GALNTL6: variants seen among roughly 807,000 people sequenced by gnomAD.
GALNTL6 encodes the protein polypeptide N-acetylgalactosaminyltransferase like 6.
GALNTL6 carries 46 observed loss-of-function variants against 73.7 expected under a neutral mutation model. The observed-to-expected ratio is 0.62, with a 90% CI of 0.49 to 0.80. The LOEUF is 0.80. Ranked by LOEUF, GALNTL6 falls within the 30% of genes least tolerant of loss-of-function variation. The pLI is 0.00. For synonymous variants in GALNTL6, 259 were observed against 263.7 expected (o/e 0.98, Z 0.17); for missense variants, 604 against 755.0 (o/e 0.80, Z 2.34).
chr4:171,887,652 A>C (rs900098078), intron 2 of GALNTL6, among the ~76,000 whole-genome samples: 3 of 152,208 alleles, frequency 2.0e-5, no homozygotes, highest in African/African-American at 7.2e-5. Flanking sequence ...TTTATGCATA[A>C]TATTTTTCTA....
chr4:172,464,022 G>C (rs1345218774), intron 5 of GALNTL6, among the ~76,000 whole-genome samples: 2 of 152,108 alleles, frequency 1.3e-5, no homozygotes, highest in Non-Finnish European at 2.9e-5. Context: ...TTTCTGTCCA[G>C]GTTGAGTGAT....
intron 2 of GALNTL6, among the ~76,000 whole-genome samples, chr4:172,138,023 C>CT (rs1265775171): frequency 6.6e-6 from 1 of 152,084 alleles, no homozygotes; most frequent in Non-Finnish European, 1.5e-5. Flanking sequence ...AGATGAGCTG[C>CT]TGCGGAGTCC....
intron 2 of GALNTL6, among the ~76,000 whole-genome samples, chr4:172,015,266 T>C (rs1741150542): frequency 6.6e-6 from 1 of 152,076 alleles, no homozygotes; most frequent in Admixed American, 6.6e-5. Flanking sequence ...TTTAGGATTG[T>C]GCCATTTTTC....
intron 5 of GALNTL6, among the ~76,000 whole-genome samples, chr4:172,672,586 A>G (rs886423440): frequency 1.3e-5 from 2 of 152,186 alleles, no homozygotes; most frequent in African/African-American, 4.8e-5. Context: ...TTCAGTAGAA[A>G]TGGTATCAGC....
At chr4:172,892,609 T>C (rs1414939075) in intron 8 of GALNTL6, among the ~76,000 whole-genome samples, 1 of 92,130 alleles carries the variant, frequency 1.1e-5, no homozygotes, top group Non-Finnish European at 2.2e-5. Flanking sequence ...TTAATTCTTT[T>C]TTTTTTTTTT....
At chr4:172,801,878 C>G (rs935165965) in intron 5 of GALNTL6, among the ~76,000 whole-genome samples, 1 of 152,094 alleles carries the variant, frequency 6.6e-6, no homozygotes, top group East Asian at 1.9e-4. Flanking sequence ...CTTCTTCTTC[C>G]TTCTCCTCAG....
intron 2 of GALNTL6, among the ~76,000 whole-genome samples, chr4:171,989,452 T>C (rs1464268440): frequency 1.3e-5 from 2 of 152,190 alleles, no homozygotes; most frequent in East Asian, 1.9e-4. Flanking sequence ...TCCTGGGCTG[T>C]GGGCATTCCT....
chr4:172,869,955 CTTAACTTCTT>C (rs962094119), intron 7 of GALNTL6, among the ~76,000 whole-genome samples: 1 of 152,092 alleles, frequency 6.6e-6, no homozygotes, highest in Non-Finnish European at 1.5e-5. Context: ...GTGGATTGTT[CTTAACTTCTT>C]TCGTTTCCTA....
chr4:172,905,982 T>C (rs1449445844), intron 8 of GALNTL6, among the ~76,000 whole-genome samples: 1 of 152,044 alleles, frequency 6.6e-6, no homozygotes, highest in Non-Finnish European at 1.5e-5. Flanking sequence ...CAGCTACAAA[T>C]CTCACTTGAA....
chr4:172,397,002 T>C (rs929230879), intron 5 of GALNTL6, among the ~76,000 whole-genome samples: 1 of 152,166 alleles, frequency 6.6e-6, no homozygotes, highest in African/African-American at 2.4e-5. Context: ...TATATCTATC[T>C]TACAATGACT....
chr4:172,877,803 G>C (rs1177815759), intron 7 of GALNTL6, among the ~76,000 whole-genome samples: 1 of 151,804 alleles, frequency 6.6e-6, no homozygotes, highest in African/African-American at 2.4e-5. Context: ...ATGGATAACA[G>C]GTTTGTATTA....
chr4:172,552,856 A>AAAAAAAAC (rs1173624538), intron 5 of GALNTL6, among the ~76,000 whole-genome samples: 2 of 141,984 alleles, frequency 1.4e-5, no homozygotes, highest in Admixed American at 7.0e-5. Flanking sequence ...AAAAAAAAAA[A>AAAAAAAAC]AGGTAAAAAC....
chr4:172,016,275 T>A (rs1034663528), intron 2 of GALNTL6, among the ~76,000 whole-genome samples: 1 of 152,182 alleles, frequency 6.6e-6, no homozygotes, highest in African/African-American at 2.4e-5. Flanking sequence ...TTCTTTTCTC[T>A]TTATCTTTGT....
chr4:172,389,841 A>T (rs1424196175), intron 5 of GALNTL6, among the ~76,000 whole-genome samples: 2 of 152,170 alleles, frequency 1.3e-5, no homozygotes, highest in Admixed American at 1.3e-4. Context: ...CTGCTGGAGG[A>T]CAATAAAACT....
intron 5 of GALNTL6, among the ~76,000 whole-genome samples, chr4:172,413,664 T>A (rs966942353): frequency 6.6e-6 from 1 of 151,858 alleles, no homozygotes; most frequent in African/African-American, 2.4e-5. Flanking sequence ...AGTTTTTTTT[T>A]TTTTTTTTGC....
chr4:172,434,234 C>T (rs1253442539), intron 5 of GALNTL6, among the ~76,000 whole-genome samples: 1 of 151,964 alleles, frequency 6.6e-6, no homozygotes, highest in Non-Finnish European at 1.5e-5. Flanking sequence ...TATAACTTGT[C>T]TTGTTATACA....
At chr4:173,015,310 T>A (rs1752735403) in intron 11 of GALNTL6, among the ~76,000 whole-genome samples, 1 of 152,164 alleles carries the variant, frequency 6.6e-6, no homozygotes, top group African/African-American at 2.4e-5. Flanking sequence ...GCAGCAACTG[T>A]GGAACTGGGT....
Position 172,813,578 on chromosome 4 carries a change from A to G in GALNTL6, c.778A>G (p.Met260Val), listed in dbSNP as rs543458976. ...AAACCACAAAACCATCGTGTGTCCC[A>G]TGATCGATGTCATTGACCACAATCA... The part of the protein sequence containing the change: ...ALNHKTIVCP[M>V]IDVIDHNHFG... Residue 260 changes from methionine to valine, a missense_variant, in exon 7 of 13, where the codon ATG (methionine) becomes GTG (valine). Coordinates refer to ENST00000506823, the MANE Select transcript of GALNTL6 (RefSeq NM_001034845.3). 3.1e-6 allele frequency: 5 copies of G among 1,612,382 alleles called. No homozygotes were observed. The highest frequency in any genetic ancestry group is 1.3e-5 in the African/African-American group (1 of 74,980).
intron 2 of GALNTL6, among the ~76,000 whole-genome samples, chr4:172,212,334 A>G (rs1295692085): frequency 2.7e-5 from 4 of 150,836 alleles, no homozygotes; most frequent in Admixed American, 6.6e-5. Flanking sequence ...GCTAATTTTT[A>G]TATTTTTAGT....
Sources: allele counts gnomAD v4.1 joint callset (sites outside exome capture counted in the v4.1 genomes callset), GRCh38; gene constraint gnomAD v4.1.1; transcripts MANE v1.5; gene names NCBI Gene and HGNC (gene_info 2026-07-23, HGNC 2026-07-21).